CSMD1: variants seen among roughly 807,000 people sequenced by gnomAD.
CSMD1 encodes CUB and Sushi multiple domains 1, also known as CUB and sushi domain-containing protein 1.
In CSMD1, 213 loss-of-function variants were observed where a neutral mutation model predicts 417.5. The ratio of observed to expected loss-of-function variants is 0.51; its 90% CI spans 0.46 to 0.57. The LOEUF is 0.57. Ranked by LOEUF, CSMD1 falls within the 20% of genes least tolerant of loss-of-function variation. CSMD1 has a pLI of 0.00. For synonymous variants in CSMD1, 2,862 were observed against 1,736.8 expected, an observed-to-expected ratio of 1.65 and a Z score of -16.11; for missense variants, 6,923 against 4,529.7, an observed-to-expected ratio of 1.53 and a Z score of -15.17.
intron 10 of CSMD1, among the ~76,000 whole-genome samples, chr8:3,507,570 G>C (rs185021645): frequency 4.6e-4 from 70 of 152,210 alleles, no homozygotes; most frequent in African/African-American, 1.4e-3. Context: ...GATCCCTGAG[G>C]AATCGCCACA....
chr8:3,951,476 T>C (rs1198682396), intron 5 of CSMD1, among the ~76,000 whole-genome samples: 2 of 152,162 alleles, frequency 1.3e-5, no homozygotes, highest in Admixed American at 6.5e-5. Flanking sequence ...CTTGTGGGAT[T>C]CCAACTGCTT....
intron 26 of CSMD1, among the ~76,000 whole-genome samples, chr8:3,275,174 T>A (rs1178787298): frequency 6.6e-6 from 1 of 152,208 alleles, no homozygotes; most frequent in Non-Finnish European, 1.5e-5. Context: ...ATTTTATTTC[T>A]CCTTCACTTA....
intron 3 of CSMD1, among the ~76,000 whole-genome samples, chr8:4,234,085 T>C (rs1260307201): frequency 6.6e-6 from 1 of 152,146 alleles, no homozygotes; most frequent in African/African-American, 2.4e-5. Context: ...GCCTAAGTAC[T>C]AACCTACACA....
chr8:3,877,031 T>C (rs1805869515), intron 5 of CSMD1, among the ~76,000 whole-genome samples: 1 of 152,226 alleles, frequency 6.6e-6, no homozygotes, highest in African/African-American at 2.4e-5. Flanking sequence ...CATTTTCATT[T>C]CGTATAGTGT....
chr8:4,639,994 C>T (rs1476673845), intron 1 of CSMD1, among the ~76,000 whole-genome samples: 3 of 151,728 alleles, frequency 2.0e-5, no homozygotes, highest in East Asian at 3.9e-4. Context: ...TCTTGCTTAA[C>T]AGTAAATCAA....
intron 2 of CSMD1, among the ~76,000 whole-genome samples, chr8:4,561,933 C>A (rs150111462): frequency 4.2e-4 from 64 of 152,200 alleles, no homozygotes; most frequent in African/African-American, 1.5e-3. Context: ...AAAGGCCAGG[C>A]GTTTAGACAC....
At chr8:3,692,597 T>A (rs559555013) in intron 7 of CSMD1, among the ~76,000 whole-genome samples, 87 of 152,160 alleles carry the variant, frequency 5.7e-4, no homozygotes, top group Middle Eastern at 3.4e-3. Flanking sequence ...CACACACAGC[T>A]AATTTTTGTA....
intron 12 of CSMD1, among the ~76,000 whole-genome samples, chr8:3,457,326 A>G (rs954730478): frequency 6.6e-6 from 1 of 151,820 alleles, no homozygotes; most frequent in Non-Finnish European, 1.5e-5. Flanking sequence ...TCACATCACA[A>G]CCTTTTTGCC....
In CSMD1 at chr8:4,926,264, T is replaced by C. The variant is rs557717308; in HGVS notation, c.85+68068A>G. ...TGGACACAATGAATAAATGGATGTA[T>C]CACAGAGTTAAACATGAATTTTTTT... On this transcript the variant is annotated intron_variant, in intron 1 of 69. Transcript: ENST00000635120. 2.0e-5 allele frequency among the ~76,000 whole-genome samples: 3 copies of C among 152,324 alleles called. No individual in the cohort carries two copies. The East Asian group carries it at 5.8e-4, about 29-fold the overall frequency.
At chr8:4,189,624 T>G (rs961599943) in intron 3 of CSMD1, among the ~76,000 whole-genome samples, 1 of 152,174 alleles carries the variant, frequency 6.6e-6, no homozygotes, top group African/African-American at 2.4e-5. Context: ...CAAAGACCCC[T>G]AGCAAAGACC....
chr8:3,179,242 G>T (rs1265740229), intron 37 of CSMD1, among the ~76,000 whole-genome samples: 1 of 152,090 alleles, frequency 6.6e-6, no homozygotes, highest in Admixed American at 6.5e-5. Flanking sequence ...ACCGCGCCCA[G>T]CCTATAATCT....
intron 5 of CSMD1, among the ~76,000 whole-genome samples, chr8:3,857,184 A>G (rs1296761172): frequency 2.0e-5 from 3 of 152,206 alleles, no homozygotes; most frequent in Non-Finnish European, 4.4e-5. Context: ...GGCTTCATGA[A>G]AAAAGTGCCA....
chr8:3,915,247 A>C (rs1004641562), intron 5 of CSMD1, among the ~76,000 whole-genome samples: 17 of 151,908 alleles, frequency 1.1e-4, no homozygotes, highest in African/African-American at 3.9e-4. Context: ...CTCTACCAAA[A>C]ATAGAAAAAT....
At chr8:3,122,359 G>C (rs1260094021) in intron 41 of CSMD1, among the ~76,000 whole-genome samples, 1 of 152,160 alleles carries the variant, frequency 6.6e-6, no homozygotes, top group Non-Finnish European at 1.5e-5. Context: ...CTACTGCGTT[G>C]ATTAGAGACA....
intron 3 of CSMD1, among the ~76,000 whole-genome samples, chr8:4,146,676 A>T (rs1470140602): frequency 8.4e-6 from 1 of 119,504 alleles, no homozygotes; most frequent in Non-Finnish European, 1.6e-5. Context: ...CAGTGGTGTG[A>T]TCTGGACTCA....
At chr8:3,877,290 A>G (rs2975350) in intron 5 of CSMD1, among the ~76,000 whole-genome samples, 1 of 152,074 alleles carries the variant, frequency 6.6e-6, no homozygotes, top group Non-Finnish European at 1.5e-5. Flanking sequence ...TGGTGAAAGG[A>G]AACTTCTGCA....
chr8:4,939,860 T>C (rs147038917), intron 1 of CSMD1, among the ~76,000 whole-genome samples: 244 of 149,330 alleles, frequency 1.6e-3, no homozygotes, highest in African/African-American at 5.8e-3. Flanking sequence ...TAAGCTCCAC[T>C]GAGCAATTCC....
At chr8:3,975,372 T>G (rs1813362232) in intron 5 of CSMD1, among the ~76,000 whole-genome samples, 1 of 152,194 alleles carries the variant, frequency 6.6e-6, no homozygotes, top group African/African-American at 2.4e-5. Context: ...TATGTTTCTT[T>G]TTATGATATG....
chr8:3,653,312 T>G (rs1025495110), intron 7 of CSMD1, among the ~76,000 whole-genome samples: 4 of 152,038 alleles, frequency 2.6e-5, no homozygotes, highest in Admixed American at 2.6e-4. Context: ...TGGGGGTTCT[T>G]TTGTTGTTGT....
Sources: allele counts gnomAD v4.1 joint callset (sites outside exome capture counted in the v4.1 genomes callset), GRCh38; gene constraint gnomAD v4.1.1; transcripts MANE v1.5; gene names NCBI Gene and HGNC (gene_info 2026-07-23, HGNC 2026-07-21).